The following PCDHA4 variants were observed in gnomAD, a reference collection of about 807,000 sequenced individuals.
The protein encoded by PCDHA4 is protocadherin alpha 4.
PCDHA4 carries 49 observed loss-of-function variants against 61.4 expected under a neutral mutation model. That is an observed-to-expected ratio of 0.80 (90% CI 0.63 to 1.01). The LOEUF is 1.01. Among genes scored for constraint, PCDHA4 ranks in the 50% least tolerant of loss-of-function variants. PCDHA4 has a pLI of 0.00. For missense variants in PCDHA4, 1,254 were observed against 1,235.8 expected (o/e 1.01, Z -0.22); for synonymous variants, 590 against 550.3 (o/e 1.07, Z -1.01).
intron 1 of PCDHA4, chr5:140,877,659 G>A (rs1554169954): frequency 9.3e-6 from 15 of 1,613,500 alleles, no homozygotes; most frequent in Admixed American, 1.7e-5. Flanking sequence ...CGCCCACCGT[G>A]AGCCGGTGCG....
In PCDHA4 at chr5:140,822,890, G is replaced by C. The variant is rs2150120119; in HGVS notation, c.2385+13318G>C. 2.8e-5 allele frequency: 45 copies of C among 1,614,098 alleles called. No individual in the cohort carries two copies. The highest frequency in any genetic ancestry group is 3.7e-5 in the Non-Finnish European group (44 of 1,180,046). ...CTCAGCACGGTCATTGCTCTGATCA[G>C]CGTGTCTGACCGTGACTCAGGTGCC... On this transcript the variant is annotated intron_variant, in intron 1 of 3. Transcript: ENST00000530339.
chr5:140,882,347 G>A (rs1554173687), intron 1 of PCDHA4: 3 of 1,614,198 alleles, frequency 1.9e-6, no homozygotes, highest in South Asian at 2.2e-5. Context: ...CTGGGAGACG[G>A]GTAGTGGCCA....
At chr5:140,977,862 A>G (rs142967836) in intron 1 of PCDHA4, among the ~76,000 whole-genome samples, 3 of 152,372 alleles carry the variant, frequency 2.0e-5, no homozygotes, top group African/African-American at 7.2e-5. Context: ...TCTACCAAAT[A>G]TGGTAAGTAT....
At chr5:140,836,514 T>C in intron 1 of PCDHA4, 2 of 1,613,848 alleles carry the variant, frequency 1.2e-6, no homozygotes, top group Non-Finnish European at 1.7e-6. Flanking sequence ...GTCCAGTCTG[T>C]TGGTGCTTAC....
At position 140,953,007 on chromosome 5, in the gene PCDHA4, T is replaced by C. The variant is rs186896706; in HGVS notation, c.2386-25942T>C. ...TCTCATGAGAACTCTCTCACTATTA[T>C]GAGAACAACATTAAGGGGGAAATCC... On this transcript the variant is annotated intron_variant, in intron 1 of 3. Transcript: ENST00000530339. 5.5e-4 allele frequency among the ~76,000 whole-genome samples: 84 copies of C among 152,242 alleles called. 1 individual carries two copies. In the East Asian group the frequency reaches 0.015, roughly 27 times the overall value.
intron 1 of PCDHA4, among the ~76,000 whole-genome samples, chr5:140,847,077 G>T (rs2150397168): frequency 6.7e-6 from 1 of 149,668 alleles, no homozygotes; most frequent in East Asian, 1.9e-4. Flanking sequence ...ATGACAAGTA[G>T]AAAAGTCCAC....
At chr5:140,836,229 G>A in intron 1 of PCDHA4, 1 of 1,613,818 alleles carries the variant, frequency 6.2e-7, no homozygotes. Context: ...ACCGGTGGCG[G>A]CCGGTGCGAG....
chr5:140,990,895 G>A (rs550774822), intron 3 of PCDHA4, among the ~76,000 whole-genome samples: 15 of 152,284 alleles, frequency 9.9e-5, no homozygotes, highest in Non-Finnish European at 1.9e-4. Flanking sequence ...GTGGGTCGTT[G>A]CTGGGTCAAG....
rs2150495171 is a variant in PCDHA4, at chr5:140,850,706, G to C, written c.2385+41134G>C. 11 of 1,598,012 alleles carry C rather than the reference G, an allele frequency of 6.9e-6. 1 individual carries two copies. The highest frequency in any genetic ancestry group is 1.7e-5 in the Admixed American group (1 of 59,234). The stretch of plus-strand genomic sequence containing the variant: ...AGGGCGAGTGCGCGCCTGGCAAGCC[G>C]ACGCTGGTGTGTTCTAGCGCGGTGG... On this transcript the variant is annotated intron_variant, in intron 1 of 3. Transcript: ENST00000530339.
rs2150124973 is a variant in PCDHA4, at chr5:140,823,356, G to A, written c.2385+13784G>A. 1.7e-5 allele frequency: 28 copies of A among 1,612,466 alleles called. No individual in the cohort carries two copies. The African/African-American group carries it at 2.8e-4, about 16-fold the overall frequency. ...TGCAGCCGCTGGACCACGAGGAAGT[G>A]GAGCTGCTGCAGTTCCAGGTGAGCG... On this transcript the variant is annotated intron_variant, in intron 1 of 3. Coordinates refer to ENST00000530339, the MANE Select transcript of PCDHA4 (RefSeq NM_018907.4).
intron 1 of PCDHA4, chr5:140,927,342 T>C: frequency 6.2e-7 from 1 of 1,614,160 alleles, no homozygotes; most frequent in Non-Finnish European, 8.5e-7. Context: ...ATGCCCAAGA[T>C]GACGACGAGG....
intron 1 of PCDHA4, chr5:140,834,211 G>A (rs2150214176): frequency 0.54 from 341,638 of 630,816 alleles, 94,315 homozygotes; most frequent in African/African-American, 0.73. Flanking sequence ...AAATTCTTTC[G>A]TAATCAGCAA....
chr5:140,886,095 T>C (rs1229514130), intron 1 of PCDHA4, among the ~76,000 whole-genome samples: 2 of 152,200 alleles, frequency 1.3e-5, no homozygotes, highest in Non-Finnish European at 2.9e-5. Flanking sequence ...ATATTGACAT[T>C]GATACAGTAA....
intron 1 of PCDHA4, among the ~76,000 whole-genome samples, chr5:140,973,301 A>C (rs1469183006): frequency 1.3e-5 from 2 of 152,034 alleles, no homozygotes; most frequent in Admixed American, 6.6e-5. Context: ...CTATCTGATG[A>C]CTCTATCCTG....
chr5:140,967,928 A>G, intron 1 of PCDHA4: 1 of 1,614,200 alleles, frequency 6.2e-7, no homozygotes, highest in South Asian at 1.1e-5. Context: ...GGCCGTTCTC[A>G]GTGTCAATGA....
intron 1 of PCDHA4, among the ~76,000 whole-genome samples, chr5:140,950,852 A>G (rs1172997648): frequency 6.6e-6 from 1 of 151,856 alleles, no homozygotes; most frequent in Non-Finnish European, 1.5e-5. Flanking sequence ...CATTTCTTTC[A>G]TATTCTTGTA....
intron 1 of PCDHA4, chr5:140,850,815 C>T: frequency 6.3e-7 from 1 of 1,598,236 alleles, no homozygotes; most frequent in Non-Finnish European, 8.6e-7. Context: ...GGCCTTCAGC[C>T]CGGGCCTTTC....
intron 1 of PCDHA4, among the ~76,000 whole-genome samples, chr5:140,891,795 A>T (rs2063252569): frequency 6.6e-6 from 1 of 152,178 alleles, no homozygotes; most frequent in South Asian, 2.1e-4. Flanking sequence ...ATTATGAGGG[A>T]TCTGCCCTCA....
At chr5:140,842,728 G>T in intron 1 of PCDHA4, 2 of 1,595,050 alleles carry the variant, frequency 1.3e-6, no homozygotes, top group Non-Finnish European at 1.7e-6. Context: ...AGAACAACCC[G>T]CCGGGCTGCC....
Sources: gnomAD v4.1 joint callset for allele counts (sites outside exome capture counted in the v4.1 genomes callset) on GRCh38, gnomAD v4.1.1 for gene constraint, MANE v1.5 for transcripts, NCBI Gene and HGNC (gene_info 2026-07-23, HGNC 2026-07-21) for gene names.